Variants in NF2 observed in about 807,000 individuals in gnomAD.
NF2 encodes the protein NF2, moesin-ezrin-radixin like (MERLIN) tumor suppressor, also known as merlin.
NF2 carries 8 observed loss-of-function variants against 83.7 expected under a neutral mutation model. The observed-to-expected ratio is 0.10, with a 90% CI of 0.06 to 0.17. The LOEUF (loss-of-function observed/expected upper bound fraction) is 0.17, where lower values mean the gene tolerates loss of function less well. NF2 is among the 10% of genes least tolerant of loss of function. The probability of loss-of-function intolerance (pLI) is 1.00; values close to 1 mark genes in which losing one functional copy is unlikely to be tolerated. For synonymous variants in NF2, 266 were observed against 269.6 expected (o/e 0.99, Z 0.13); for missense variants, 533 against 744.4 (o/e 0.72, Z 3.31).
chr22:29,628,952 C>G (rs530795329), intron 1 of NF2, among the ~76,000 whole-genome samples: 2 of 152,056 alleles, frequency 1.3e-5, no homozygotes, highest in Admixed American at 6.6e-5. Context: ...GAGATCTTGC[C>G]CAGATTTAAA....
At chr22:29,665,235 AGTTTTTTTTTTT>A (rs1214401762) in intron 9 of NF2, among the ~76,000 whole-genome samples, 171 bp downstream of exon 9, 2 of 95,028 alleles carry the variant, frequency 2.1e-5, no homozygotes, top group African/African-American at 3.3e-5. Context: ...ATCATGAAGA[AGTTTTTTTTTTT>A]GTTTTTTTTT....
At position 29,681,606 on chromosome 22, in the gene NF2, C is replaced by T. The variant is rs1217457776; in HGVS notation, c.1737+5C>T. 6.2e-7 allele frequency: 1 copy of T among 1,613,816 alleles called. No individual in the cohort carries two copies. ...AAGCACAATACCATTAAAAAGGTAC[C>T]CAGGGTCTCTTTCTTGTATTTTGCT... On this transcript the variant is annotated splice_donor_5th_base_variant and intron_variant, in intron 15 of 15. Transcript: ENST00000338641.
intron 15 of NF2, among the ~76,000 whole-genome samples, chr22:29,687,948 A>G (rs1338070386): frequency 6.6e-6 from 1 of 152,202 alleles, no homozygotes; most frequent in Non-Finnish European, 1.5e-5. Context: ...TAGGAACTGC[A>G]GGCTGCTCTT....
rs965117352 is a variant in NF2, at chr22:29,603,882, G to A, written c.-117G>A. 1.3e-6 allele frequency: 1 copy of A among 768,434 alleles called. No homozygotes were observed. The allele number at this position is 768,434 out of a possible 1,614,324, so 47.6% of individuals were successfully genotyped here. On this transcript the variant is annotated 5_prime_UTR_variant, in exon 1 of 16. Coordinates refer to ENST00000338641, the MANE Select transcript of NF2 (RefSeq NM_000268.4). The stretch of plus-strand genomic sequence containing the variant: ...GACCCGCGCAGCCCAGACCGTTCCC[G>A]GGCCGGGCAGCCGGCCACCATGGTG...
At position 29,636,693 on chromosome 22, in the gene NF2, A is replaced by G. The variant is rs2065655775; in HGVS notation, c.115-58A>G. 1.2e-6 allele frequency: 2 copies of G among 1,613,098 alleles called. No individual in the cohort carries two copies. Among genetic ancestry groups the G allele is most frequent in the East Asian group, 2.2e-5 (1 of 44,888 alleles). ...ACCTGAGAGTGGAGAGTGCAGAGAA[A>G]AGGTTTTATTAATGATTTTTGCTCA... On this transcript the variant is annotated intron_variant, in intron 1 of 15. Coordinates refer to ENST00000338641, the MANE Select transcript of NF2 (RefSeq NM_000268.4). This position sits in a 1 kb window ranked among gnomAD's most constrained non-coding sequence, Gnocchi z 4.4.
intron 4 of NF2, among the ~76,000 whole-genome samples, chr22:29,642,962 T>A (rs2065854757): frequency 6.9e-6 from 1 of 145,662 alleles, no homozygotes; most frequent in African/African-American, 2.5e-5. Context: ...CTATAGACCT[T>A]TTTTTTTTTT....
chr22:29,670,410 C>T (rs1676701499), intron 10 of NF2, among the ~76,000 whole-genome samples: 1 of 151,678 alleles, frequency 6.6e-6, no homozygotes, highest in Non-Finnish European at 1.5e-5. Flanking sequence ...AATTAGAGAA[C>T]AAATTGGCCA....
intron 8 of NF2, among the ~76,000 whole-genome samples, chr22:29,662,317 G>A (rs1422538285): frequency 1.3e-5 from 2 of 152,038 alleles, no homozygotes; most frequent in Non-Finnish European, 2.9e-5. Flanking sequence ...TAGAGATGGG[G>A]TTTTGCCACA....
At chr22:29,683,950 C>T in intron 15 of NF2, 1 of 1,023,768 alleles carries the variant, frequency 9.8e-7, no homozygotes, top group African/African-American at 1.7e-5. Flanking sequence ...CCCATGCCAA[C>T]AAGCCCCACA....
At chr22:29,682,372 T>G (rs2147126747) in intron 15 of NF2, among the ~76,000 whole-genome samples, 1 of 152,348 alleles carries the variant, frequency 6.6e-6, no homozygotes, top group Admixed American at 6.5e-5. Context: ...ATTCTTTACC[T>G]CAGTCTTTAA....
At chr22:29,628,224 G>T (rs888678530) in intron 1 of NF2, among the ~76,000 whole-genome samples, 6 of 151,122 alleles carry the variant, frequency 4.0e-5, no homozygotes, top group Non-Finnish European at 8.8e-5. Context: ...CTGCAGAACT[G>T]GAGGAAAGAC....
chr22:29,666,236 A>G (rs1056972679), intron 9 of NF2, among the ~76,000 whole-genome samples: 21 of 151,756 alleles, frequency 1.4e-4, no homozygotes, highest in African/African-American at 5.1e-4. Flanking sequence ...CGCCTCCCGG[A>G]TTTAAGCAAT....
At chr22:29,668,251 A>T in intron 9 of NF2, 82 bp from the exon 10 acceptor site, 1 of 983,926 alleles carries the variant, frequency 1.0e-6, no homozygotes, top group Non-Finnish European at 1.6e-6. Flanking sequence ...CAAGAGCTCA[A>T]ACTGCTATGG....
Position 29,698,411 on chromosome 22 carries a change from GGCCCAA to G in NF2, c.*3613_*3618del, listed in dbSNP as rs755969033. On this transcript the variant is annotated 3_prime_UTR_variant, in exon 16 of 16. Coordinates refer to ENST00000338641, the MANE Select transcript of NF2 (RefSeq NM_000268.4). ...GAGACAGCCTGGCCCAGTGACCCTG[GGCCCAA>G]GCCAGCCCCTCCAGGGCTTTCAGGG... The G allele has an allele frequency of 2.0e-4, 44 of 221,178 alleles. No individual in the cohort carries two copies. Among genetic ancestry groups the G allele is most frequent in the Non-Finnish European group, 3.2e-4 (35 of 110,346 alleles). 13.7% of individuals were successfully genotyped at this position (221,178 alleles called of 1,614,324 possible). A position where few individuals can be genotyped will look rare whatever the true frequency, so the allele number is the denominator to read the frequency against.
intron 1 of NF2, among the ~76,000 whole-genome samples, chr22:29,634,636 G>C (rs1246442460): frequency 6.6e-6 from 1 of 152,160 alleles, no homozygotes; most frequent in Non-Finnish European, 1.5e-5. Flanking sequence ...CCTTTTCCAA[G>C]TTAATGCCTG....
chr22:29,614,045 C>T (rs910604116), intron 1 of NF2, among the ~76,000 whole-genome samples: 3 of 150,512 alleles, frequency 2.0e-5, no homozygotes, highest in Non-Finnish European at 4.4e-5. Flanking sequence ...GTGTGAGCCA[C>T]CGCACCCGGC....
Position 29,658,248 on chromosome 22 carries a change from A to C in NF2, c.659A>C (p.Asn220Thr), listed in dbSNP as rs2066372870. Residue 220 changes from asparagine to threonine, a missense_variant, in exon 7 of 16, where the codon AAC becomes ACC. This residue lies in a region of NF2 where 326 missense variants were observed against 475.1 expected (regional missense o/e 0.69). Transcript: ENST00000338641. ...CAGGACCTGGAGATGTACGGTGTGA[A>C]CTACTTTGCAATCCGGGTGTGTTGA... Reference protein sequence around the residue: ...IAQDLEMYGVNYFAIRNKKGT... With the variant: ...IAQDLEMYGVTYFAIRNKKGT... The C allele has an allele frequency of 1.9e-6, 3 of 1,614,194 alleles. No homozygotes were observed. In the African/African-American group the frequency reaches 4.0e-5, roughly 22 times the overall value.
chr22:29,655,716 CTTT>C (rs36029478), intron 6 of NF2, 40 bp downstream of exon 6: 17,032 of 1,147,466 alleles, frequency 0.015, no homozygotes, highest in Admixed American at 0.02. Flanking sequence ...CCTTTATGGG[CTTT>C]TTTTTTTTTT....
intron 8 of NF2, among the ~76,000 whole-genome samples, chr22:29,663,935 C>G (rs2066545003): frequency 6.6e-6 from 1 of 152,190 alleles, no homozygotes; most frequent in South Asian, 2.1e-4. Flanking sequence ...TACCAAGCCA[C>G]CACCCTGTCT....
Sources: allele counts gnomAD v4.1 joint callset (sites outside exome capture counted in the v4.1 genomes callset), GRCh38; gene constraint gnomAD v4.1.1; regional missense constraint gnomAD v4.1.1; non-coding constraint Gnocchi (gnomAD v3.1); transcripts MANE v1.5; gene names NCBI Gene and HGNC (gene_info 2026-07-23, HGNC 2026-07-21).